The following AGPAT2 variants were observed in gnomAD, a reference collection of about 807,000 sequenced individuals.
AGPAT2 encodes the protein 1-acyl-sn-glycerol-3-phosphate acyltransferase beta.
AGPAT2 carries 18 observed loss-of-function variants against 26.1 expected under a neutral mutation model. The ratio of observed to expected loss-of-function variants is 0.69; its 90% confidence interval spans 0.48 to 1.02. AGPAT2 has a LOEUF of 1.02. Among genes scored for constraint, AGPAT2 ranks in the 50% least tolerant of loss-of-function variants. The pLI, the probability that AGPAT2 is intolerant of heterozygous loss-of-function variation, is 0.00. For missense variants in AGPAT2, 415 were observed against 394.9 expected (o/e 1.05, Z -0.43); for synonymous variants, 200 against 174.2 (o/e 1.15, Z -1.16).
intron 1 of AGPAT2, among the ~76,000 whole-genome samples, chr9:136,679,276 C>A (rs554133064): frequency 6.6e-6 from 1 of 152,236 alleles, no homozygotes; most frequent in Admixed American, 6.5e-5. Flanking sequence ...TGTGTGAGCC[C>A]AGGCCTGCGG....
At position 136,674,028 on chromosome 9, in the gene AGPAT2, C is replaced by T. The variant is rs139800244; in HGVS notation, c.662-101G>A. 190 of 1,210,476 alleles carry T rather than the reference C, an allele frequency of 1.6e-4. No homozygotes were observed. In the African/African-American group the frequency reaches 2.4e-3, roughly 15 times the overall value. 75.0% of individuals were successfully genotyped at this position (1,210,476 alleles called of 1,614,324 possible). On this transcript the variant is annotated intron_variant, in intron 5 of 5. Transcript: ENST00000371696. ...TCTCCCCAGCCCCCCACAGCCCCTCCCTGGGAAGCCCGAGGCCGGGCTCTT... is the reference window on the plus strand; with the variant it reads ...TCTCCCCAGCCCCCCACAGCCCCTCTCTGGGAAGCCCGAGGCCGGGCTCTT...
chr9:136,675,714 G>GC (rs1846082274), intron 4 of AGPAT2, among the ~76,000 whole-genome samples: 2 of 152,288 alleles, frequency 1.3e-5, no homozygotes, highest in South Asian at 4.1e-4. Flanking sequence ...CCCTCACTCT[G>GC]CCCCCAAAGG....
At position 136,676,458 on chromosome 9, in the gene AGPAT2, C is replaced by T. The variant is rs1241156486; in HGVS notation, c.588+127G>A. ...AGGGGCAAGGAGGCCCTGTCCCCAA[C>T]TCAGTGGGAGGAGTCCCTTGTGTGT... is the stretch of plus-strand genomic sequence containing the variant. On this transcript the variant is annotated intron_variant, in intron 4 of 5. Transcript: ENST00000371696. 3 of 739,272 alleles carry T rather than the reference C, an allele frequency of 4.1e-6. No individual in the cohort carries two copies. In the East Asian group the frequency reaches 8.4e-5, roughly 21 times the overall value. 45.8% of individuals were successfully genotyped at this position (739,272 alleles called of 1,614,324 possible).
rs1846233455 is a variant in AGPAT2 at position 136,687,195 on chromosome 9, G to C, written c.163C>G (p.Arg55Gly). The change falls in exon 1 of 6, where the codon CGG becomes GGG. Residue 55 changes from arginine (R) to glycine (G), a missense_variant. By Grantham distance (125) the Arg-to-Gly change is moderately radical. Coordinates refer to ENST00000371696, the MANE Select transcript of AGPAT2 (RefSeq NM_006412.4). ...CCTTGCCTCATGTTCTCCACCGTCC[G>C]GCCGCCGTGGCGCAGCAGGCAGACG... ...SLVCLLRHGG[R>G]TVENMSIIGW... 4 of 1,587,734 alleles carry C rather than the reference G, an allele frequency of 2.5e-6. No individual in the cohort carries two copies. In the African/African-American group the frequency reaches 5.5e-5, roughly 22 times the overall value.
At chr9:136,686,688 C>T (rs1846225339) in intron 1 of AGPAT2, among the ~76,000 whole-genome samples, 1 of 152,222 alleles carries the variant, frequency 6.6e-6, no homozygotes, top group South Asian at 2.1e-4. Flanking sequence ...GTGCGCCCAT[C>T]ACCGGGCGGA....
chr9:136,681,487 G>A lies in AGPAT2; in HGVS notation c.183-3931C>T, dbSNP rs192872628. Among the ~76,000 whole-genome samples, 759 of 152,346 alleles carry A rather than the reference G, an allele frequency of 5.0e-3. 12 individuals carry two copies. The highest frequency in any genetic ancestry group is 0.018 in the African/African-American group (739 of 41,584). On this transcript the variant is annotated intron_variant, in intron 1 of 5. Coordinates refer to ENST00000371696, the MANE Select transcript of AGPAT2 (RefSeq NM_006412.4). ...AGTTCAGAGCTTTCTGAAAGCTGGTGGGAAAGTCTAGACTCACTTTACAAG... is the reference window on the plus strand; with the variant it reads ...AGTTCAGAGCTTTCTGAAAGCTGGTAGGAAAGTCTAGACTCACTTTACAAG...
At chr9:136,677,589 ACAGATCC>A (rs1564291780) in intron 1 of AGPAT2, 33 bp from the exon 2 acceptor site, 2 of 1,612,366 alleles carry the variant, frequency 1.2e-6, no homozygotes, top group South Asian at 2.2e-5. Flanking sequence ...CACGGGTCCC[ACAGATCC>A]CGCAGCCGAG....
chr9:136,680,351 T>G (rs1846143354), intron 1 of AGPAT2, among the ~76,000 whole-genome samples: 1 of 152,084 alleles, frequency 6.6e-6, no homozygotes, highest in Non-Finnish European at 1.5e-5. Flanking sequence ...CTCAGCCTCC[T>G]GAGTAGCTGG....
intron 1 of AGPAT2, among the ~76,000 whole-genome samples, chr9:136,679,355 G>T (rs1351534927): frequency 6.6e-6 from 1 of 152,186 alleles, no homozygotes; most frequent in Admixed American, 6.5e-5. Flanking sequence ...CTGAGTCAAG[G>T]GGGGCCTAAT....
At position 136,673,922 on chromosome 9, in the gene AGPAT2, C is replaced by A; in HGVS notation, c.667G>T (p.Val223Phe). 6.4e-7 allele frequency: 1 copy of A among 1,570,796 alleles called. No homozygotes were observed. Among genetic ancestry groups the A allele is most frequent in the Non-Finnish European group, 8.6e-7 (1 of 1,157,022 alleles). Residue 223 changes from valine to phenylalanine, a missense_variant, in exon 6 of 6, where the codon GTC (valine) becomes TTC (phenylalanine). Coordinates refer to ENST00000371696, the MANE Select transcript of AGPAT2 (RefSeq NM_006412.4). The part of the protein sequence containing the change: ...TKKKFFTSGT[V>F]TVQVLEAIPT... The stretch of plus-strand genomic sequence containing the variant: ...ATGGCTTCCAGCACCTGCACTGTGA[C>A]TGTTCCTGTGGGGGAAGCAACAGAC...
At chr9:136,678,809 A>AT (rs1846125141) in intron 1 of AGPAT2, among the ~76,000 whole-genome samples, 1 of 119,864 alleles carries the variant, frequency 8.3e-6, no homozygotes, top group Non-Finnish European at 1.9e-5. Flanking sequence ...AATGTGTCAC[A>AT]TTGTGCAGTG....
At chr9:136,680,112 GC>G (rs1448650929) in intron 1 of AGPAT2, among the ~76,000 whole-genome samples, 1 of 152,258 alleles carries the variant, frequency 6.6e-6, no homozygotes, top group Admixed American at 6.5e-5. Context: ...ATGATTTCTA[GC>G]AGCAGCCAAG....
rs1395078495 is a variant in AGPAT2 at position 136,687,426 on chromosome 9, C to G, written c.-69G>C. 3.0e-5 allele frequency: 39 copies of G among 1,309,332 alleles called. No individual in the cohort carries two copies. The highest frequency in any genetic ancestry group is 3.8e-5 in the Non-Finnish European group (39 of 1,022,034). The allele number at this position is 1,309,332 out of a possible 1,614,324, so 81.1% of individuals were successfully genotyped here. A position where few individuals can be genotyped will look rare whatever the true frequency, so the allele number is the denominator to read the frequency against. On this transcript the variant is annotated 5_prime_UTR_variant, in exon 1 of 6. Coordinates refer to ENST00000371696, the MANE Select transcript of AGPAT2 (RefSeq NM_006412.4). Reference sequence around the variant, plus strand: ...CCCGCTCCCGCTTCTCCCCCGCGCGCTCAGGCCCCTTATTGCGAGGGCGGC... The same window carrying G: ...CCCGCTCCCGCTTCTCCCCCGCGCGGTCAGGCCCCTTATTGCGAGGGCGGC...
At position 136,682,348 on chromosome 9, in the gene AGPAT2, C is replaced by T. The variant is rs559041025; in HGVS notation, c.183-4792G>A. Among the ~76,000 whole-genome samples, 6 of 152,354 alleles carry T rather than the reference C, an allele frequency of 3.9e-5. No homozygotes were observed. The East Asian group carries it at 9.7e-4, about 25-fold the overall frequency. Reference sequence around the variant, plus strand: ...CCAGCTTGCCCAGCCCAGTCCCTGTCCTGTGCCAAACACCCTGCCTCACTC... The same window carrying T: ...CCAGCTTGCCCAGCCCAGTCCCTGTTCTGTGCCAAACACCCTGCCTCACTC... On this transcript the variant is annotated intron_variant, in intron 1 of 5. Coordinates refer to ENST00000371696, the MANE Select transcript of AGPAT2 (RefSeq NM_006412.4).
intron 1 of AGPAT2, among the ~76,000 whole-genome samples, chr9:136,681,378 G>A (rs1216541716): frequency 3.3e-5 from 5 of 152,178 alleles, no homozygotes; most frequent in Admixed American, 6.5e-5. Context: ...GAAGAAAGTT[G>A]AAGTTGATGT....
Position 136,674,791 on chromosome 9 carries a change from AC to A in AGPAT2, c.604del (p.Val202TrpfsTer51). ...AVQAQVPIVP[V>X]VYSSFSSFYN... ...GAAGGAGGAGAAGGAAGAGTACACC[AC>A]GGGGACGATGGGCACCTGCAGGCAG... On this transcript the variant is annotated frameshift_variant, in exon 5 of 6. Coordinates refer to ENST00000371696, the MANE Select transcript of AGPAT2 (RefSeq NM_006412.4). LOFTEE classifies it high-confidence loss of function. 6.5e-7 allele frequency: 1 copy of A among 1,547,252 alleles called. No individual in the cohort carries two copies. The highest frequency in any genetic ancestry group is 1.2e-5 in the South Asian group (1 of 81,742).
At chr9:136,674,908 C>T (rs1846070913) in intron 4 of AGPAT2, 101 bp from the exon 5 acceptor site, 3 of 787,226 alleles carry the variant, frequency 3.8e-6, no homozygotes, top group East Asian at 6.4e-5. Flanking sequence ...GCCCACCCAC[C>T]CCTGCCTTCG....
chr9:136,673,787 C>T lies in AGPAT2; in HGVS notation c.802G>A (p.Ala268Thr). ...HISKTPQENGATAGSGVQPAQ is the reference protein window; with the variant it reads ...HISKTPQENGTTAGSGVQPAQ ...GGCTGCACGCCAGACCCCGCAGTGG[C>T]CCCGTTCTCCTGGGGGGTCTTGGAG... The change falls in exon 6 of 6, where the codon GCC becomes ACC. Residue 268 changes from alanine to threonine, a missense_variant. Transcript: ENST00000371696. 1.2e-5 allele frequency: 20 copies of T among 1,603,938 alleles called. No homozygotes were observed. Among genetic ancestry groups the T allele is most frequent in the Non-Finnish European group, 1.6e-5 (19 of 1,176,848 alleles).
Position 136,676,943 on chromosome 9 carries a change from C to G in AGPAT2, c.492+18G>C, listed in dbSNP as rs1846097763. The G allele has an allele frequency of 6.2e-7, 1 of 1,612,024 alleles. No individual in the cohort carries two copies. Among genetic ancestry groups the G allele is most frequent in the African/African-American group, 1.3e-5 (1 of 74,858 alleles). On this transcript the variant is annotated intron_variant, in intron 3 of 5. Coordinates refer to ENST00000371696, the MANE Select transcript of AGPAT2 (RefSeq NM_006412.4). Reference sequence around the variant, plus strand: ...AGGCCCCACCCCAACCCCACCGAGCCCGGCCCTGCACACTCACGTTCTCCC... The same window carrying G: ...AGGCCCCACCCCAACCCCACCGAGCGCGGCCCTGCACACTCACGTTCTCCC...
Sources: allele counts gnomAD v4.1 joint callset (sites outside exome capture counted in the v4.1 genomes callset), GRCh38; gene constraint gnomAD v4.1.1; transcripts MANE v1.5; gene names NCBI Gene and HGNC (gene_info 2026-07-23, HGNC 2026-07-21).